The following ZNF860 variants were observed in gnomAD, a reference collection of about 807,000 sequenced individuals.
The protein encoded by ZNF860 is zinc finger protein 860.
For missense variants in ZNF860, 641 were observed against 759.2 expected (o/e 0.84, Z 1.83); for synonymous variants, 206 against 248.9 (o/e 0.83, Z 1.62).
At chr3:31,992,139 C>G (rs1251634278), downstream of ZNF860, among the ~76,000 whole-genome samples, 2 of 144,646 alleles carry the variant, frequency 1.4e-5, no homozygotes, top group African/African-American at 5.3e-5. Flanking sequence ...GAGCGAGACT[C>G]CATCTCAAAA....
downstream of ZNF860, among the ~76,000 whole-genome samples, chr3:31,995,647 G>T (rs12635070): frequency 6.6e-6 from 1 of 151,998 alleles, no homozygotes; most frequent in Non-Finnish European, 1.5e-5. Context: ...CTCAGCTTAC[G>T]AAGATAACAG....
chr3:32,000,815 C>T, the ZNF860 span, among the ~76,000 whole-genome samples: 1 of 152,190 alleles, frequency 6.6e-6, no homozygotes, highest in Non-Finnish European at 1.5e-5. Flanking sequence ...TGACTCCGGC[C>T]ATGCGGTTCA....
chr3:31,982,650 T>TAAAAA lies in ZNF860; in HGVS notation c.-421+757_-421+761dup, dbSNP rs34935064. 1.6e-4 allele frequency among the ~76,000 whole-genome samples: 23 copies of TAAAAA among 147,038 alleles called. No homozygotes were observed. The East Asian group carries it at 1.8e-3, about 11-fold the overall frequency. ...ACAATTCCAGGTGCCTACATAGTGT[T>TAAAAA]AAAAAAAAAAAAATCTGAAAAGAGC... On this transcript the variant is annotated intron_variant, in intron 1 of 1. Coordinates refer to ENST00000360311, the MANE Select transcript of ZNF860 (RefSeq NM_001137674.3).
In ZNF860 at chr3:31,989,895, C is replaced by A. The variant is rs1355285683; in HGVS notation, c.816C>A (p.Tyr272Ter). The change falls in exon 2 of 2, where the codon TAC becomes TAA. Residue 272 changes from tyrosine (Y) to a stop codon, truncating the protein, a stop_gained. Transcript: ENST00000360311. LOFTEE classifies it low-confidence loss of function (END_TRUNC). ...GCAAGGTCTTTAATCAGAAGCGATA[C>A]CTTGCATGCCATCATAGATGTCACA... ...VCGKVFNQKRYLACHHRCHTG... is the reference protein window; with the variant it reads ...VCGKVFNQKR 8 of 1,614,148 alleles carry A rather than the reference C, an allele frequency of 5.0e-6. No homozygotes were observed. Among genetic ancestry groups the A allele is most frequent in the Middle Eastern group, 3.3e-4 (2 of 6,062 alleles).
the ZNF860 span, among the ~76,000 whole-genome samples, chr3:31,997,108 A>G: frequency 1.3e-5 from 2 of 152,234 alleles, no homozygotes; most frequent in African/African-American, 4.8e-5. Context: ...TAAATTTACT[A>G]GCACACATTA....
At chr3:31,986,681 T>C (rs1698938403) in intron 1 of ZNF860, among the ~76,000 whole-genome samples, 1 of 152,154 alleles carries the variant, frequency 6.6e-6, no homozygotes, top group Admixed American at 6.5e-5. Flanking sequence ...ATTAAATAGA[T>C]GCTCACTTTC....
intron 1 of ZNF860, among the ~76,000 whole-genome samples, 152 bp from the exon 2 acceptor site, chr3:31,988,508 G>A (rs1698974275): frequency 6.6e-6 from 1 of 152,102 alleles, no homozygotes; most frequent in Admixed American, 6.5e-5. Flanking sequence ...CTTGAGTGTG[G>A]GATGAATTTA....
intron 1 of ZNF860, chr3:31,986,278 C>G (rs1698931495): frequency 6.6e-6 from 1 of 152,186 alleles, no homozygotes; most frequent in Non-Finnish European, 1.5e-5. Flanking sequence ...AACAGAAACT[C>G]AAAGAGGAGG....
the ZNF860 span, among the ~76,000 whole-genome samples, chr3:32,001,803 C>T: frequency 6.6e-6 from 1 of 151,864 alleles, no homozygotes; most frequent in Admixed American, 6.6e-5. Context: ...AATCAGATAT[C>T]CCCAGAGGGT....
rs550108320 is a variant in ZNF860 at position 31,988,927 on chromosome 3, G to C, written c.-153G>C. 2 of 1,014,476 alleles carry C rather than the reference G, an allele frequency of 2.0e-6. No individual in the cohort carries two copies. The highest frequency in any genetic ancestry group is 2.8e-6 in the Non-Finnish European group (2 of 701,812). The allele number at this position is 1,014,476 out of a possible 1,614,324, so 62.8% of individuals were successfully genotyped here. On this transcript the variant is annotated 5_prime_UTR_variant, in exon 2 of 2. Transcript: ENST00000360311. ...CCCAGCTGAAGTGCCTCCAAACCCCGACCCACAGCGACTGTGAGATAATCA... is the reference window on the plus strand; with the variant it reads ...CCCAGCTGAAGTGCCTCCAAACCCCCACCCACAGCGACTGTGAGATAATCA...
chr3:31,997,965 TA>T, the ZNF860 span, among the ~76,000 whole-genome samples: 10 of 152,218 alleles, frequency 6.6e-5, no homozygotes, highest in South Asian at 2.1e-3. Context: ...AATTTTGTTT[TA>T]TTTTTTTGTA....
intron 1 of ZNF860, among the ~76,000 whole-genome samples, chr3:31,985,099 C>T (rs569512453): frequency 3.5e-4 from 54 of 152,204 alleles, no homozygotes; most frequent in African/African-American, 1.0e-3. Context: ...ATTAGCTGGG[C>T]GTGGTCATAC....
the ZNF860 span, among the ~76,000 whole-genome samples, chr3:31,997,209 C>T: frequency 6.6e-6 from 1 of 151,894 alleles, no homozygotes; most frequent in Admixed American, 6.6e-5. Flanking sequence ...ATTACAATGT[C>T]AATAGGCAGT....
rs776749404 is a variant in ZNF860 at position 31,989,134 on chromosome 3, C to G, written c.55C>G (p.Leu19Val). The change falls in exon 2 of 2, where the codon CTT becomes GTT. Residue 19 changes from leucine (L) to valine (V), a missense_variant. By Grantham distance (32) the Leu-to-Val change is conservative. Transcript: ENST00000360311. ...KRKEKEPGMA[L>V]PQGHLTFRDV... ...GAAAGAAAAGGAGCCAGGCATGGCT[C>G]TTCCTCAGGGACACTTGACTTTTAG... 1 of 1,614,148 alleles carries G rather than the reference C, an allele frequency of 6.2e-7. No homozygotes were observed. Among genetic ancestry groups the G allele is most frequent in the Non-Finnish European group, 8.5e-7 (1 of 1,180,040 alleles).
At chr3:31,997,987 C>G in the ZNF860 span, among the ~76,000 whole-genome samples, 1 of 151,932 alleles carries the variant, frequency 6.6e-6, no homozygotes, top group Non-Finnish European at 1.5e-5. Flanking sequence ...GAGACTGGGT[C>G]CCACTCTGTT....
downstream of ZNF860, among the ~76,000 whole-genome samples, chr3:31,994,301 T>C (rs773241798): frequency 7.2e-5 from 11 of 152,214 alleles, no homozygotes; most frequent in Non-Finnish European, 1.3e-4. Flanking sequence ...AACTGTCCTA[T>C]AACTTACTTG....
Position 31,990,711 on chromosome 3 carries a change from C to G in ZNF860, c.1632C>G (p.Asp544Glu). 1 of 1,614,064 alleles carries G rather than the reference C, an allele frequency of 6.2e-7. No homozygotes were observed. The highest frequency in any genetic ancestry group is 8.5e-7 in the Non-Finnish European group (1 of 1,179,974). ...GEKPYKCEEC[D>E]TVFSRKSHHE... ...AACCTTACAAATGTGAAGAATGTGA[C>G]ACAGTTTTCAGTCGCAAATCACACC... Residue 544 changes from aspartate to glutamate, a missense_variant, in exon 2 of 2, where the codon GAC becomes GAG. Coordinates refer to ENST00000360311, the MANE Select transcript of ZNF860 (RefSeq NM_001137674.3).
chr3:31,986,647 G>A (rs937765463), intron 1 of ZNF860, among the ~76,000 whole-genome samples: 19 of 151,860 alleles, frequency 1.3e-4, no homozygotes, highest in African/African-American at 3.6e-4. Flanking sequence ...TAAAATAGGC[G>A]CCTGGCCTAT....
At chr3:31,994,495 T>G (rs901910315), downstream of ZNF860, among the ~76,000 whole-genome samples, 34 of 73,684 alleles carry the variant, frequency 4.6e-4, 1 homozygote, top group South Asian at 0.015. Context: ...AAAAAAAGGA[T>G]GGATGGATGG....
Sources: allele counts gnomAD v4.1 joint callset (sites outside exome capture counted in the v4.1 genomes callset), GRCh38; gene constraint gnomAD v4.1.1; transcripts MANE v1.5; gene names NCBI Gene and HGNC (gene_info 2026-07-23, HGNC 2026-07-21).